The following KIF7 variants were observed in gnomAD, a reference collection of about 807,000 sequenced individuals.
The protein encoded by KIF7 is kinesin-like protein KIF7.
In KIF7, 104 loss-of-function variants were observed where a neutral mutation model predicts 135.7. The observed-to-expected ratio is 0.77, with a 90% CI of 0.65 to 0.90. KIF7 has a LOEUF of 0.90. Ranked by LOEUF, KIF7 falls within the 40% of genes least tolerant of loss-of-function variation. The pLI, the probability that KIF7 is intolerant of heterozygous loss-of-function variation, is 0.00. For synonymous variants in KIF7, 883 were observed against 809.4 expected (o/e 1.09, Z -1.54); for missense variants, 2,005 against 1,839.1 (o/e 1.09, Z -1.65).
chr15:89,619,738 A>C (rs1963393606), intron 1 of KIF7: 3 of 1,613,296 alleles, frequency 1.9e-6, no homozygotes, highest in African/African-American at 1.3e-5. Context: ...CCTCGAATCA[A>C]GCAGTTGTCA....
rs767550455 is a variant in KIF7, at chr15:89,629,087, G to T, written c.3553C>A (p.Gln1185Lys). ...LGEGLADSRRQYEARIQALEK... is the reference protein window; with the variant it reads ...LGEGLADSRRKYEARIQALEK... The stretch of plus-strand genomic sequence containing the variant: ...AGAGCTTGAATCCGGGCCTCATACT[G>T]CCTCCTGCTGTCTGCTAACCCTTCA... Residue 1185 changes from glutamine (Q) to lysine (K), a missense_variant, in exon 18 of 19, where the codon CAG becomes AAG. Gln to Lys is a moderately conservative substitution (Grantham distance 53). Coordinates refer to ENST00000394412, the MANE Select transcript of KIF7 (RefSeq NM_198525.3). 2 of 1,612,756 alleles carry T rather than the reference G, an allele frequency of 1.2e-6. No individual in the cohort carries two copies. Among genetic ancestry groups the T allele is most frequent in the Non-Finnish European group, 1.7e-6 (2 of 1,179,850 alleles).
Position 89,629,121 on chromosome 15 carries a change from G to T in KIF7, c.3519C>A (p.Asp1173Glu). Residue 1173 changes from aspartate (D) to glutamate (E), a missense_variant and splice_region_variant, in exon 18 of 19, where the codon GAC (aspartate) becomes GAA (glutamate). By Grantham distance (45) the Asp-to-Glu change is conservative. Transcript: ENST00000394412. ...TGTCTGCTAACCCTTCACCGAGGTG[G>T]TCTAGAGTGGAAAGGTCGAGGAGAG... is the stretch of plus-strand genomic sequence containing the variant. The part of the protein sequence containing the change: ...NMQLLLQQSR[D>E]HLGEGLADSR... 1 of 1,606,848 alleles carries T rather than the reference G, an allele frequency of 6.2e-7. No homozygotes were observed. Among genetic ancestry groups the T allele is most frequent in the Non-Finnish European group, 8.5e-7 (1 of 1,177,186 alleles).
chr15:89,627,609 A>G (rs767988951), downstream of KIF7: 3 of 155,100 alleles, frequency 1.9e-5, no homozygotes, highest in Non-Finnish European at 4.3e-5. Flanking sequence ...AGCACTCAGT[A>G]CATTTTTGTT....
intron 1 of KIF7, chr15:89,618,341 G>T: frequency 1.3e-6 from 1 of 791,510 alleles, no homozygotes; most frequent in Non-Finnish European, 2.2e-6. Context: ...CCACAATGCA[G>T]CTCAGTAAAT....
intron 16 of KIF7, 64 bp from the exon 17 acceptor site, chr15:89,629,637 A>C: frequency 1.3e-6 from 2 of 1,594,536 alleles, no homozygotes; most frequent in South Asian, 1.1e-5. Flanking sequence ...CTAATCCTCA[A>C]TCACAGACAC....
chr15:89,633,060 C>A, intron 13 of KIF7, 64 bp from the exon 14 acceptor site: 2 of 1,599,192 alleles, frequency 1.3e-6, no homozygotes, highest in Admixed American at 3.3e-5. Flanking sequence ...TCAGCCGCCA[C>A]TCGAGGTTCA....
chr15:89,636,923 T>G (rs1180172875), intron 11 of KIF7, among the ~76,000 whole-genome samples: 1 of 141,816 alleles, frequency 7.1e-6, no homozygotes, highest in African/African-American at 2.7e-5. Context: ...GACCACATAC[T>G]TGGAAGTAAA....
At chr15:89,625,610 A>G (rs1187201932), downstream of KIF7, 9 of 1,613,058 alleles carry the variant, frequency 5.6e-6, no homozygotes, top group African/African-American at 1.3e-5. Context: ...TCCTGGGGAC[A>G]GTTTGGGTTG....
Position 89,628,719 on chromosome 15 carries a change from C to G in KIF7, c.3732G>C (p.Leu1244=). 1 of 1,613,040 alleles carries G rather than the reference C, an allele frequency of 6.2e-7. No homozygotes were observed. The highest frequency in any genetic ancestry group is 8.5e-7 in the Non-Finnish European group (1 of 1,179,938). The change falls in exon 19 of 19, where the codon CTG becomes CTC. Residue 1244 remains leucine (L), a synonymous_variant. Coordinates refer to ENST00000394412, the MANE Select transcript of KIF7 (RefSeq NM_198525.3). ...QAPGNEDELH[L]APELLWLSPL... Reference sequence around the variant, plus strand: ...GGGACAGCCAGAGAAGCTCGGGTGCCAGGTGGAGCTCATCTTCATTTCCAG... The same window carrying G: ...GGGACAGCCAGAGAAGCTCGGGTGCGAGGTGGAGCTCATCTTCATTTCCAG...
downstream of KIF7, chr15:89,625,332 T>A: frequency 3.1e-6 from 5 of 1,613,794 alleles, no homozygotes; most frequent in Non-Finnish European, 4.2e-6. Context: ...CCAAGCACAG[T>A]GGGAAGACAA....
intron 14 of KIF7, 131 bp downstream of exon 14, chr15:89,632,689 A>T (rs1963705628): frequency 1.1e-6 from 1 of 948,392 alleles, no homozygotes. Context: ...TATCACTTGG[A>T]AGGACCTCAC....
chr15:89,624,440 C>T (rs763791173), downstream of KIF7: 24 of 1,614,208 alleles, frequency 1.5e-5, no homozygotes, highest in Non-Finnish European at 1.9e-5. Context: ...CCTCCTCCAC[C>T]CCCTTCTAAA....
downstream of KIF7, chr15:89,626,127 A>G (rs971238246): frequency 4.4e-6 from 7 of 1,581,994 alleles, no homozygotes; most frequent in Admixed American, 1.3e-4. Context: ...CAGGGTTGCC[A>G]GGCAGCTCGA....
Position 89,646,035 on chromosome 15 carries a change from G to A in KIF7, c.1789-9C>T, listed in dbSNP as rs768510960. 2 of 1,613,488 alleles carry A rather than the reference G, an allele frequency of 1.2e-6. No individual in the cohort carries two copies. The highest frequency in any genetic ancestry group is 1.7e-6 in the Non-Finnish European group (2 of 1,179,980). On this transcript the variant is annotated splice_polypyrimidine_tract_variant and intron_variant, in intron 7 of 18. Coordinates refer to ENST00000394412, the MANE Select transcript of KIF7 (RefSeq NM_198525.3). ...CTGCCATTTGTCACCTGCTAGGGGA[G>A]TGAGCCATTTCCCATCCCAAGTCAT...
At chr15:89,623,531 A>C (rs1963458362), downstream of KIF7, 1 of 1,277,154 alleles carries the variant, frequency 7.8e-7, no homozygotes, top group East Asian at 2.3e-5. Flanking sequence ...GGCTGACTAT[A>C]AATCTCCCAT....
chr15:89,650,323 C>A (rs147091481), intron 2 of KIF7, among the ~76,000 whole-genome samples: 86 of 152,362 alleles, frequency 5.6e-4, no homozygotes, highest in African/African-American at 2.0e-3. Flanking sequence ...GAGCAGCACT[C>A]TTCCTCATGA....
chr15:89,649,191 G>A lies in KIF7; in HGVS notation c.706C>T (p.Pro236Ser), dbSNP rs1391078591. Reference protein sequence around the residue: ...EQRGRAPSRLPRPAPGQLLVS... With the variant: ...EQRGRAPSRLSRPAPGQLLVS... ...AGCAGCTGGCCCGGGGCGGGGCGGG[G>A]TAGGCGGCTGGGGGCGCGCCCCCGC... The change falls in exon 4 of 19, where the codon CCC becomes TCC. Residue 236 changes from proline to serine, a missense_variant. Physicochemically the swap from Pro to Ser is moderately conservative, Grantham distance 74 (BLOSUM62 -1). Coordinates refer to ENST00000394412, the MANE Select transcript of KIF7 (RefSeq NM_198525.3). 1 of 1,546,642 alleles carries A rather than the reference G, an allele frequency of 6.5e-7. No homozygotes were observed. Among genetic ancestry groups the A allele is most frequent in the Non-Finnish European group, 8.7e-7 (1 of 1,146,082 alleles).
At position 89,649,099 on chromosome 15, in the gene KIF7, G is replaced by A. The variant is rs763594544; in HGVS notation, c.798C>T (p.Gly266=). The change falls in exon 4 of 19, where the codon GGC becomes GGT. Residue 266 remains glycine (G), a synonymous_variant. Transcript: ENST00000394412. ...SERVLKTGST[G]ERLKESIQIN... is the part of the protein sequence containing the mutation. ...TCTGGATGCTCTCCTTGAGCCGCTC[G>A]CCGGTGCTGCCCGTCTTGAGCACCC... 2 of 1,547,598 alleles carry A rather than the reference G, an allele frequency of 1.3e-6. No homozygotes were observed. The highest frequency in any genetic ancestry group is 2.4e-5 in the East Asian group (1 of 40,878).
At position 89,642,193 on chromosome 15, in the gene KIF7, C is replaced by T. The variant is rs373852548; in HGVS notation, c.2394+10G>A. 2.7e-5 allele frequency: 44 copies of T among 1,608,894 alleles called. No homozygotes were observed. The highest frequency in any genetic ancestry group is 3.3e-5 in the South Asian group (3 of 90,960). ...ACCCCAGCACCCCACCCTGAGGCCC[C>T]GAGACTAACCTGCACCTGGCTCTGG... On this transcript the variant is annotated intron_variant, in intron 11 of 18. Coordinates refer to ENST00000394412, the MANE Select transcript of KIF7 (RefSeq NM_198525.3).
Sources: allele counts gnomAD v4.1 joint callset (sites outside exome capture counted in the v4.1 genomes callset), GRCh38; gene constraint gnomAD v4.1.1; transcripts MANE v1.5; gene names NCBI Gene and HGNC (gene_info 2026-07-23, HGNC 2026-07-21).